The following PEPD variants were observed in gnomAD, a reference collection of about 807,000 sequenced individuals.
The protein encoded by PEPD is peptidase D.
Under a neutral mutation model 60.7 loss-of-function variants are expected in PEPD, and 53 were observed. The observed-to-expected ratio is 0.87, with a 90% CI of 0.70 to 1.10. The LOEUF (loss-of-function observed/expected upper bound fraction) is 1.10, where lower values mean the gene tolerates loss of function less well. Ranked by LOEUF, PEPD falls within the 50% of genes least tolerant of loss-of-function variation. The probability of loss-of-function intolerance (pLI) is 0.00; values close to 1 mark genes in which losing one functional copy is unlikely to be tolerated. For missense variants in PEPD, 711 were observed against 711.9 expected, an observed-to-expected ratio of 1.00 and a Z score of 0.01; for synonymous variants, 267 against 284.1, an observed-to-expected ratio of 0.94 and a Z score of 0.60.
chr19:33,395,090 C>G (rs1968330391), intron 12 of PEPD: 1 of 152,310 alleles, frequency 6.6e-6, no homozygotes, highest in South Asian at 2.1e-4. Flanking sequence ...CCACGGGTCC[C>G]AAGAACTGGC....
intron 7 of PEPD, among the ~76,000 whole-genome samples, chr19:33,473,546 G>T (rs17834067): frequency 6.6e-5 from 10 of 152,054 alleles, no homozygotes; most frequent in Non-Finnish European, 1.3e-4. Context: ...ACACAGTCTC[G>T]CTTAAAACCC....
chr19:33,448,617 T>A (rs941748603), intron 9 of PEPD, among the ~76,000 whole-genome samples: 6 of 152,158 alleles, frequency 3.9e-5, no homozygotes, highest in Non-Finnish European at 5.9e-5. Context: ...GAGATGCTGG[T>A]ATGAGAAGGC....
At chr19:33,448,462 AGAG>A (rs1057430884) in intron 9 of PEPD, among the ~76,000 whole-genome samples, 2 of 152,256 alleles carry the variant, frequency 1.3e-5, no homozygotes, top group African/African-American at 4.8e-5. Context: ...GACCAGCTCC[AGAG>A]GCCTGGAGGC....
Position 33,450,808 on chromosome 19 carries a change from G to C in PEPD, c.671+12187C>G, listed in dbSNP as rs191425285. On this transcript the variant is annotated intron_variant, in intron 9 of 14. Coordinates refer to ENST00000244137, the MANE Select transcript of PEPD (RefSeq NM_000285.4). ...GGCGGGACTTGACTCTGGAGGCGGG[G>C]CTCGGACACCAGACCAAATGGAGAA... 4.7e-3 allele frequency among the ~76,000 whole-genome samples: 720 copies of C among 152,286 alleles called. 9 individuals are homozygous for C. The highest frequency in any genetic ancestry group is 0.017 in the African/African-American group (697 of 41,550).
At chr19:33,450,879 G>T (rs1969683634) in intron 9 of PEPD, among the ~76,000 whole-genome samples, 1 of 152,084 alleles carries the variant, frequency 6.6e-6, no homozygotes, top group Non-Finnish European at 1.5e-5. Flanking sequence ...CATCAGACAC[G>T]CCCACCAGTG....
chr19:33,483,813 T>C (rs1970351755), intron 6 of PEPD, among the ~76,000 whole-genome samples: 1 of 151,536 alleles, frequency 6.6e-6, no homozygotes, highest in African/African-American at 2.4e-5. Context: ...TTGCCCAGTC[T>C]CTTTAAAAAA....
chr19:33,477,873 G>A (rs1223605472), intron 7 of PEPD, among the ~76,000 whole-genome samples, 173 bp downstream of exon 7: 2 of 152,078 alleles, frequency 1.3e-5, no homozygotes, highest in East Asian at 3.9e-4. Flanking sequence ...AAAAAAGTAC[G>A]GCCAGTCAAC....
intron 7 of PEPD, among the ~76,000 whole-genome samples, chr19:33,472,638 C>T (rs1022151597): frequency 6.6e-6 from 1 of 152,148 alleles, no homozygotes; most frequent in African/African-American, 2.4e-5. Context: ...GCATTAAACC[C>T]TGAATTAAGA....
intron 9 of PEPD, among the ~76,000 whole-genome samples, chr19:33,443,403 C>A (rs1175416976): frequency 2.6e-5 from 4 of 152,102 alleles, no homozygotes; most frequent in Non-Finnish European, 4.4e-5. Flanking sequence ...CATGACTGAA[C>A]AAGTTAATAA....
intron 9 of PEPD, among the ~76,000 whole-genome samples, chr19:33,440,744 A>G (rs1336711955): frequency 1.3e-5 from 2 of 152,088 alleles, no homozygotes; most frequent in East Asian, 3.9e-4. Context: ...TGCACTATGT[A>G]TTTTACTTCT....
intron 9 of PEPD, among the ~76,000 whole-genome samples, chr19:33,438,352 A>C (rs1969419871): frequency 6.6e-6 from 1 of 152,242 alleles, no homozygotes; most frequent in Non-Finnish European, 1.5e-5. Context: ...ACAGCTGGCT[A>C]TCTCTTCTCT....
At position 33,512,697 on chromosome 19, in the gene PEPD, G is replaced by A. The variant is rs61734503; in HGVS notation, c.97C>T (p.Arg33Trp). Reference protein sequence around the residue: ...FALNRQRLCERLRKNPAVQAG... With the variant: ...FALNRQRLCEWLRKNPAVQAG... ...TGCACAGCAGGGTTCTTCCGCAGCC[G>A]CTCACACAGGCGCTGCCGGTTCAAG... The change falls in exon 2 of 15, where the codon CGG (arginine) becomes TGG (tryptophan). Residue 33 changes from arginine (R) to tryptophan (W), a missense_variant. Transcript: ENST00000244137. The A allele has an allele frequency of 1.3e-4, 216 of 1,613,838 alleles. No individual in the cohort carries two copies. Among genetic ancestry groups the A allele is most frequent in the Non-Finnish European group, 1.8e-4 (207 of 1,179,914 alleles).
chr19:33,449,530 G>A (rs953889592), intron 9 of PEPD, among the ~76,000 whole-genome samples: 1 of 152,224 alleles, frequency 6.6e-6, no homozygotes, highest in Admixed American at 6.5e-5. Context: ...GCAGCAGAAC[G>A]AGTGTGCAGG....
chr19:33,485,262 G>A (rs1004249382), intron 6 of PEPD, among the ~76,000 whole-genome samples: 1 of 150,526 alleles, frequency 6.6e-6, no homozygotes, highest in Non-Finnish European at 1.5e-5. Context: ...GGGAGGCCGA[G>A]GCAGGTGAAT....
intron 9 of PEPD, among the ~76,000 whole-genome samples, 188 bp from the exon 10 acceptor site, chr19:33,413,831 TCA>T (rs1968833477): frequency 6.6e-6 from 1 of 152,150 alleles, no homozygotes; most frequent in Non-Finnish European, 1.5e-5. Context: ...CTGCAGAATC[TCA>T]GAGGCCAGTG....
At chr19:33,433,339 C>T (rs558674183) in intron 9 of PEPD, among the ~76,000 whole-genome samples, 11 of 152,232 alleles carry the variant, frequency 7.2e-5, no homozygotes, top group Non-Finnish European at 1.5e-4. Context: ...GCCAAGGGGG[C>T]ACGCCCACTC....
intron 4 of PEPD, among the ~76,000 whole-genome samples, chr19:33,498,399 G>T (rs1970648265): frequency 6.6e-6 from 1 of 152,174 alleles, no homozygotes; most frequent in Admixed American, 6.5e-5. Flanking sequence ...CACTCAAGGT[G>T]GCCTGTCTCT....
intron 3 of PEPD, among the ~76,000 whole-genome samples, chr19:33,508,796 A>G (rs1164055866): frequency 6.6e-6 from 1 of 152,224 alleles, no homozygotes; most frequent in Admixed American, 6.5e-5. Context: ...GAAGGGAAAT[A>G]GATGTCACCT....
intron 7 of PEPD, among the ~76,000 whole-genome samples, chr19:33,475,241 C>A (rs1299491080): frequency 6.6e-6 from 1 of 151,938 alleles, no homozygotes; most frequent in Admixed American, 6.6e-5. Flanking sequence ...AACCCTCCCA[C>A]AGAGAGAGGG....
Sources: gnomAD v4.1 joint callset for allele counts (sites outside exome capture counted in the v4.1 genomes callset) on GRCh38, gnomAD v4.1.1 for gene constraint, MANE v1.5 for transcripts, NCBI Gene and HGNC (gene_info 2026-07-23, HGNC 2026-07-21) for gene names.